Variants in MYH7B observed in about 807,000 individuals in gnomAD.
MYH7B encodes the protein myosin-7B.
MYH7B carries 205 observed loss-of-function variants against 234.5 expected under a neutral mutation model. The observed-to-expected ratio is 0.87, with a 90% CI of 0.78 to 0.98. The LOEUF (loss-of-function observed/expected upper bound fraction) is 0.98. Among genes scored for constraint, MYH7B ranks in the 50% least tolerant of loss-of-function variants. The pLI, the probability that MYH7B is intolerant of heterozygous loss-of-function variation, is 0.00. For missense variants in MYH7B, 2,652 were observed against 2,633.4 expected (o/e 1.01, Z -0.15); for synonymous variants, 1,193 against 1,105.0 (o/e 1.08, Z -1.58).
At position 35,000,456 on chromosome 20, in the gene MYH7B, G is replaced by A. The variant is rs756610699; in HGVS notation, c.4945G>A (p.Ala1649Thr). Reference sequence around the variant, plus strand: ...CCGTCAGGCCACAGAGGCCCAGGCTGCCACGCGGCTGATGCAGGCACAGCT... The same window carrying A: ...CCGTCAGGCCACAGAGGCCCAGGCTACCACGCGGCTGATGCAGGCACAGCT... The change falls in exon 39 of 45, where the codon GCC becomes ACC. Residue 1649 changes from alanine (A) to threonine (T), a missense_variant. Transcript: ENST00000262873. The A allele has an allele frequency of 1.9e-6, 3 of 1,601,960 alleles. No homozygotes were observed. The South Asian group carries it at 3.3e-5, about 18-fold the overall frequency.
rs780408593 is a variant in MYH7B, at chr20:34,979,819, C to G, written c.342+15C>G. On this transcript the variant is annotated intron_variant, in intron 7 of 44. Transcript: ENST00000262873. ...GGATGATCTATGTGAGCCCCAGGCCCGGGCCATGGGCGGGGTGGGGCTTGT... is the reference window on the plus strand; with the variant it reads ...GGATGATCTATGTGAGCCCCAGGCCGGGGCCATGGGCGGGGTGGGGCTTGT... 18 of 1,603,458 alleles carry G rather than the reference C, an allele frequency of 1.1e-5. No individual in the cohort carries two copies. The highest frequency in any genetic ancestry group is 1.4e-5 in the Non-Finnish European group (17 of 1,174,644).
intron 5 of MYH7B, 81 bp downstream of exon 5, chr20:34,978,177 C>G: frequency 6.5e-7 from 1 of 1,546,452 alleles, no homozygotes; most frequent in Non-Finnish European, 8.8e-7. Context: ...AGGGGTGGCA[C>G]CAGCTCAGGG....
rs563989808 is a variant in MYH7B at position 34,956,189 on chromosome 20, T to A, written c.-337+182T>A. Among the ~76,000 whole-genome samples the A allele has an allele frequency of 1.5e-3, 234 of 152,220 alleles. 1 individual carries two copies. The highest frequency in any genetic ancestry group is 2.2e-4 in the Non-Finnish European group (15 of 68,010). ...TAGTACGTCAGGGGCTGAGCCTGTA[T>A]TAGAACCCAGGCTTGTTTCCCAGCC... On this transcript the variant is annotated intron_variant, in intron 1 of 44. Coordinates refer to ENST00000262873, the Ensembl canonical transcript of MYH7B.
At chr20:34,981,052 G>A in exon 9 of MYH7B, 1 of 1,614,056 alleles carries the variant, frequency 6.2e-7, no homozygotes, top group Non-Finnish European at 8.5e-7. Context: ...ACCAGTCCAT[G>A]CTGATCACGT....
At chr20:34,965,630 C>T (rs1252173212) in intron 2 of MYH7B, among the ~76,000 whole-genome samples, 1 of 152,206 alleles carries the variant, frequency 6.6e-6, no homozygotes. Context: ...GTAATACACT[C>T]AGAAATGGGG....
rs143515268 is a variant in MYH7B at position 34,985,855 on chromosome 20, C to T, written c.806-245C>T. Reference sequence around the variant, plus strand: ...AACCTGCACACGCAGACACCACACTCACCCCACACACACGCAAGGACACAC... The same window carrying T: ...AACCTGCACACGCAGACACCACACTTACCCCACACACACGCAAGGACACAC... On this transcript the variant is annotated intron_variant, in intron 13 of 44. Transcript: ENST00000262873. Among the ~76,000 whole-genome samples, 7 of 152,190 alleles carry T rather than the reference C, an allele frequency of 4.6e-5. No individual in the cohort carries two copies. In the East Asian group the frequency reaches 1.4e-3, roughly 29 times the overall value.
intron 2 of MYH7B, among the ~76,000 whole-genome samples, chr20:34,961,575 A>G (rs867051275): frequency 1.3e-5 from 2 of 152,198 alleles, no homozygotes; most frequent in African/African-American, 2.4e-5. Context: ...TTGTACAACC[A>G]TTACCACTGT....
intron 13 of MYH7B, 62 bp downstream of exon 13, chr20:34,985,191 G>A (rs914286324): frequency 5.1e-5 from 78 of 1,525,414 alleles, no homozygotes; most frequent in African/African-American, 9.6e-5. Context: ...ACCCCAACTC[G>A]GCCTCTGTCA....
intron 24 of MYH7B, among the ~76,000 whole-genome samples, chr20:34,992,121 A>C (rs146127955): frequency 0.012 from 1,880 of 152,272 alleles, 25 homozygotes; most frequent in African/African-American, 0.041. Context: ...CGCGGTGGCT[A>C]ACGCCTGTAA....
intron 2 of MYH7B, among the ~76,000 whole-genome samples, chr20:34,971,595 A>G (rs1467050436): frequency 6.6e-6 from 1 of 152,150 alleles, no homozygotes; most frequent in Non-Finnish European, 1.5e-5. Flanking sequence ...AACCACCCCC[A>G]GTGTGCCAGG....
intron 14 of MYH7B, 85 bp from the exon 15 acceptor site, chr20:34,986,801 G>A (rs968469672): frequency 2.2e-5 from 25 of 1,156,316 alleles, no homozygotes; most frequent in African/African-American, 1.7e-4. Context: ...GCTTGCCCCC[G>A]CAGGACCCCC....
chr20:35,001,058 C>T lies in MYH7B; in HGVS notation c.5375C>T (p.Thr1792Met), dbSNP rs757183962. Reference sequence around the variant, plus strand: ...GCACACCTGGAACGGATGAAGAAGACGCTGGAGCAGACGGTGCGCGAGCTC... The same window carrying T: ...GCACACCTGGAACGGATGAAGAAGATGCTGGAGCAGACGGTGCGCGAGCTC... The change falls in exon 41 of 45, where the codon ACG (threonine) becomes ATG (methionine). Residue 1792 changes from threonine to methionine, a missense_variant. Physicochemically the swap from Thr to Met is moderately conservative, Grantham distance 81. Coordinates refer to ENST00000262873, the Ensembl canonical transcript of MYH7B. 29 of 1,613,710 alleles carry T rather than the reference C, an allele frequency of 1.8e-5. No individual in the cohort carries two copies. Among genetic ancestry groups the T allele is most frequent in the South Asian group, 2.2e-5 (2 of 91,064 alleles).
Position 34,988,247 on chromosome 20 carries a change from C to T in MYH7B, c.1572C>T (p.Ile524=), listed in dbSNP as rs1299030872. 24 of 1,612,782 alleles carry T rather than the reference C, an allele frequency of 1.5e-5. No homozygotes were observed. The highest frequency in any genetic ancestry group is 2.0e-5 in the Non-Finnish European group (24 of 1,179,022). Residue 524 remains isoleucine (I), a synonymous_variant, in exon 19 of 45, where the codon ATC becomes ATT. Transcript: ENST00000262873. Reference sequence around the variant, plus strand: ...TCGGCCTTGACCTGCAGCCTTGCATCGACCTCATCGAGAAGGTGGGTGCCG... The same window carrying T: ...TCGGCCTTGACCTGCAGCCTTGCATTGACCTCATCGAGAAGGTGGGTGCCG...
intron 2 of MYH7B, among the ~76,000 whole-genome samples, chr20:34,971,367 G>T (rs2081792086): frequency 1.3e-5 from 2 of 152,148 alleles, no homozygotes; most frequent in African/African-American, 4.8e-5. Context: ...TGTCCTTTGT[G>T]AAGATGGGGG....
chr20:34,996,132 G>A (rs1217926519), intron 28 of MYH7B, among the ~76,000 whole-genome samples: 1 of 152,208 alleles, frequency 6.6e-6, no homozygotes, highest in Non-Finnish European at 1.5e-5. Context: ...GGCCAGGTGT[G>A]GTGCTGAGCA....
In MYH7B at chr20:34,984,617, G is replaced by A. The variant is rs373990785; in HGVS notation, c.625-75G>A. ...CCTGTCCTGCTGCCCGCTGCCTCCCGCTGATACCCTGCCCCACCCCGCCCT... is the reference window on the plus strand; with the variant it reads ...CCTGTCCTGCTGCCCGCTGCCTCCCACTGATACCCTGCCCCACCCCGCCCT... On this transcript the variant is annotated intron_variant, in intron 10 of 44. Coordinates refer to ENST00000262873, the Ensembl canonical transcript of MYH7B. 1.3e-4 allele frequency: 186 copies of A among 1,405,976 alleles called. No individual in the cohort carries two copies. In the African/African-American group the frequency reaches 1.8e-3, roughly 13 times the overall value. 87.1% of individuals were successfully genotyped at this position (1,405,976 alleles called of 1,614,324 possible).
intron 9 of MYH7B, 59 bp from the exon 10 acceptor site, chr20:34,982,400 G>A (rs1337051965): frequency 1.3e-5 from 19 of 1,468,746 alleles, no homozygotes; most frequent in East Asian, 2.3e-5. Context: ...GTGAGGCATT[G>A]GGGGTGGGGG....
chr20:34,997,465 G>C (rs770122138), exon 32 of MYH7B: 1 of 1,504,996 alleles, frequency 6.6e-7, no homozygotes, highest in Non-Finnish European at 8.9e-7. Flanking sequence ...GCGGCGCTGC[G>C]GCACGAGGCC....
Position 35,000,838 on chromosome 20 carries a change from A to C in MYH7B, c.5249A>C (p.Glu1750Ala), listed in dbSNP as rs746642668. The stretch of plus-strand genomic sequence containing the variant: ...GCCCAGCTGAGCGGGGAGGTGGAGG[A>C]GGCTGCACAGGAGAGGCGGGAGGCT... The change falls in exon 40 of 45, where the codon GAG (glutamate) becomes GCG (alanine). Residue 1750 changes from glutamate to alanine, a missense_variant. Physicochemically the swap from Glu to Ala is moderately radical, Grantham distance 107. Around this residue, in one of 3 missense-constraint regions of MYH7B, gnomAD observed 2,279 missense variants for 2,211.4 expected, o/e 1.03. Transcript: ENST00000262873. 46 of 1,613,666 alleles carry C rather than the reference A, an allele frequency of 2.9e-5. No homozygotes were observed. Among genetic ancestry groups the C allele is most frequent in the Admixed American group, 1.3e-4 (8 of 60,006 alleles).
Sources: allele counts gnomAD v4.1 joint callset (sites outside exome capture counted in the v4.1 genomes callset), GRCh38; gene constraint gnomAD v4.1.1; regional missense constraint gnomAD v4.1.1; transcripts MANE v1.5; gene names NCBI Gene and HGNC (gene_info 2026-07-23, HGNC 2026-07-21).